The following INO80 variants were observed in gnomAD, a reference collection of about 807,000 sequenced individuals.
The protein encoded by INO80 is chromatin-remodeling ATPase INO80.
A neutral mutation model predicts 203.4 loss-of-function variants in INO80; 20 were observed. That is an observed-to-expected ratio of 0.10 (90% CI 0.07 to 0.14). The LOEUF is 0.14. Ranked by LOEUF, INO80 falls within the 10% of genes least tolerant of loss-of-function variation. The pLI is 1.00. For synonymous variants in INO80, 726 were observed against 685.2 expected (o/e 1.06, Z -0.93); for missense variants, 1,419 against 1,914.4 (o/e 0.74, Z 4.83).
chr15:41,047,701 C>CA (rs1555402692), intron 22 of INO80, among the ~76,000 whole-genome samples, 200 bp from the exon 23 acceptor site: 4 of 152,070 alleles, frequency 2.6e-5, no homozygotes, highest in African/African-American at 9.7e-5. Flanking sequence ...TGAGATATGG[C>CA]ATATATATAT....
At chr15:41,030,320 T>C (rs1000807409) in intron 24 of INO80, among the ~76,000 whole-genome samples, 1 of 152,202 alleles carries the variant, frequency 6.6e-6, no homozygotes, top group Non-Finnish European at 1.5e-5. Flanking sequence ...TGACTAGCAA[T>C]AATTCTATTC....
rs2045716958 is a variant in INO80 at position 41,095,932 on chromosome 15, TA to T, written c.144-5del. ...CAGTCCATCTTCACTGTCATCACTA[TA>T]AATTGAAGAATGAGTCCACAATTAC... On this transcript the variant is annotated splice_region_variant and splice_polypyrimidine_tract_variant and intron_variant, in intron 2 of 35. Coordinates refer to ENST00000648947, the MANE Select transcript of INO80 (RefSeq NM_017553.3). The T allele has an allele frequency of 5.6e-6, 9 of 1,612,064 alleles. No individual in the cohort carries two copies. The highest frequency in any genetic ancestry group is 6.8e-6 in the Non-Finnish European group (8 of 1,178,528).
At chr15:41,080,873 A>G in intron 8 of INO80, 147 bp downstream of exon 8, 1 of 623,830 alleles carries the variant, frequency 1.6e-6, no homozygotes, top group Non-Finnish European at 2.9e-6. Flanking sequence ...AAAAATAAAC[A>G]GCTTGAGAAC....
At position 41,009,201 on chromosome 15, in the gene INO80, GGTTTTT is replaced by G. The variant is rs201982563; in HGVS notation, c.3403-3520_3403-3515del. The stretch of plus-strand genomic sequence containing the variant: ...AGAAACACTATTGTAGAACATATGC[GGTTTTT>G]GTTTTTAAGTTCCTTATACTGTTCT... On this transcript the variant is annotated intron_variant, in intron 27 of 35. Coordinates refer to ENST00000648947, the MANE Select transcript of INO80 (RefSeq NM_017553.3). Among the ~76,000 whole-genome samples the G allele has an allele frequency of 2.0e-4, 30 of 150,072 alleles. No individual in the cohort carries two copies. In the East Asian group the frequency reaches 5.6e-3, roughly 28 times the overall value.
intron 12 of INO80, among the ~76,000 whole-genome samples, chr15:41,071,448 CTTTTTTTTTTTTTTT>C (rs747609865): frequency 1.1e-5 from 1 of 87,062 alleles, no homozygotes; most frequent in Non-Finnish European, 2.2e-5. Flanking sequence ...TACTCATTTC[CTTTTTTTTTTTTTTT>C]TTTTTTTTGA....
intron 14 of INO80, among the ~76,000 whole-genome samples, chr15:41,068,941 G>A (rs953187497): frequency 2.2e-4 from 34 of 152,170 alleles, no homozygotes; most frequent in Admixed American, 2.0e-3. Context: ...GAGAAATGCC[G>A]TAAATGATAG....
In INO80 at chr15:41,024,126, C is replaced by G. The variant is rs924728601; in HGVS notation, c.3049-3001G>C. Among the ~76,000 whole-genome samples the G allele has an allele frequency of 2.6e-5, 4 of 152,224 alleles. No homozygotes were observed. The South Asian group carries it at 8.3e-4, about 32-fold the overall frequency. On this transcript the variant is annotated intron_variant, in intron 25 of 35. Transcript: ENST00000648947. Reference sequence around the variant, plus strand: ...TTTCAATTTTCATTTTGATGATACCCTTCCAGGTCTAGGATTGAATGCTTA... The same window carrying G: ...TTTCAATTTTCATTTTGATGATACCGTTCCAGGTCTAGGATTGAATGCTTA...
chr15:41,042,379 T>C (rs1439209083), intron 24 of INO80, among the ~76,000 whole-genome samples: 1 of 152,116 alleles, frequency 6.6e-6, no homozygotes, highest in Non-Finnish European at 1.5e-5. Flanking sequence ...CTTGAACTCC[T>C]GGGCTCAAAT....
chr15:41,005,478 C>CT, intron 28 of INO80, 115 bp downstream of exon 28: 1 of 590,548 alleles, frequency 1.7e-6, no homozygotes. Context: ...GGAATTACAT[C>CT]TTGATTCCTT....
At chr15:40,983,231 G>C in intron 34 of INO80, 154 bp from the exon 35 acceptor site, 1 of 608,054 alleles carries the variant, frequency 1.6e-6, no homozygotes, top group Non-Finnish European at 2.9e-6. Context: ...ATGATGGCTA[G>C]ACCACTGAGT....
Position 40,980,055 on chromosome 15 carries a change from A to G in INO80, c.*168T>C. Reference sequence around the variant, plus strand: ...ACCCCAGATGCTCCTGATGAGACACAGATGATAAAAGTGCTCACACCATCC... The same window carrying G: ...ACCCCAGATGCTCCTGATGAGACACGGATGATAAAAGTGCTCACACCATCC... On this transcript the variant is annotated 3_prime_UTR_variant, in exon 36 of 36. Transcript: ENST00000648947. The G allele has an allele frequency of 1.6e-6, 1 of 632,904 alleles. No homozygotes were observed. 39.2% of individuals were successfully genotyped at this position (632,904 alleles called of 1,614,324 possible).
intron 24 of INO80, among the ~76,000 whole-genome samples, chr15:41,032,040 C>T (rs1015431824): frequency 3.2e-5 from 3 of 93,938 alleles, no homozygotes; most frequent in Non-Finnish European, 4.6e-5. Context: ...CAGCACAGCA[C>T]AGCACAGCAC....
intron 1 of INO80, among the ~76,000 whole-genome samples, chr15:41,112,786 C>G (rs1361845887): frequency 5.2e-5 from 1 of 19,200 alleles, no homozygotes; most frequent in Non-Finnish European, 9.0e-5. Context: ...GACTCCATCT[C>G]AAAAAAAAAA....
rs538656200 is a variant in INO80 at position 41,073,429 on chromosome 15, C to T, written c.1394G>A (p.Arg465Gln). 17 of 1,613,506 alleles carry T rather than the reference C, an allele frequency of 1.1e-5. 1 individual carries two copies. In the South Asian group the frequency reaches 1.2e-4, roughly 11 times the overall value. The change falls in exon 11 of 36, where the codon CGG (arginine) becomes CAG (glutamine). Residue 465 changes from arginine to glutamine, a missense_variant and splice_region_variant. By Grantham distance (43) the Arg-to-Gln change is conservative. Transcript: ENST00000648947. ...AAACCTTTCTATCTGAAGACTCACC[C>T]GAGCTTGGTGAATATGGTAAGCATT... ...AENAYHIHQA[R>Q]TRSFDEDAKE...
chr15:41,111,139 T>C (rs1291093239), intron 1 of INO80, among the ~76,000 whole-genome samples: 2 of 152,154 alleles, frequency 1.3e-5, no homozygotes, highest in South Asian at 2.1e-4. Context: ...AAATAAAGAA[T>C]AGTTAACGCT....
At chr15:41,015,612 G>C (rs1003337654) in intron 27 of INO80, among the ~76,000 whole-genome samples, 1 of 151,870 alleles carries the variant, frequency 6.6e-6, no homozygotes, top group African/African-American at 2.4e-5. Context: ...AGCTAACTCT[G>C]CTCCCTTTAT....
intron 19 of INO80, among the ~76,000 whole-genome samples, chr15:41,052,259 T>C (rs2140535708): frequency 6.6e-6 from 1 of 152,342 alleles, no homozygotes; most frequent in East Asian, 1.9e-4. Context: ...CTATGTGACA[T>C]TGCTATTTAT....
intron 1 of INO80, among the ~76,000 whole-genome samples, chr15:41,111,420 T>C (rs2140716095): frequency 6.6e-6 from 1 of 152,206 alleles, no homozygotes; most frequent in South Asian, 2.1e-4. Flanking sequence ...CACTCCAGCC[T>C]GGCGAGAGAG....
At chr15:40,981,475 C>T (rs534306816) in intron 35 of INO80, among the ~76,000 whole-genome samples, 13 of 152,238 alleles carry the variant, frequency 8.5e-5, no homozygotes, top group African/African-American at 1.7e-4. Context: ...CTTCATATTT[C>T]CTCTATCATA....
Sources: allele counts gnomAD v4.1 joint callset (sites outside exome capture counted in the v4.1 genomes callset), GRCh38; gene constraint gnomAD v4.1.1; transcripts MANE v1.5; gene names NCBI Gene and HGNC (gene_info 2026-07-23, HGNC 2026-07-21).